The following MICU3 variants were observed in gnomAD, a reference collection of about 807,000 sequenced individuals.
MICU3 encodes the protein calcium uptake protein 3, mitochondrial.
A neutral mutation model predicts 66.5 loss-of-function variants in MICU3; 62 were observed. That is an observed-to-expected ratio of 0.93 (90% CI 0.76 to 1.15). The LOEUF (loss-of-function observed/expected upper bound fraction) is 1.15, where lower values mean the gene tolerates loss of function less well. Ranked by LOEUF, MICU3 falls within the 50% of genes most tolerant of loss-of-function variation. The pLI is 0.00. For missense variants in MICU3, 779 were observed against 664.4 expected, an observed-to-expected ratio of 1.17 and a Z score of -1.90; for synonymous variants, 308 against 240.7, an observed-to-expected ratio of 1.28 and a Z score of -2.59.
chr8:17,117,196 T>C (rs192902360), intron 13 of MICU3, among the ~76,000 whole-genome samples: 1 of 152,224 alleles, frequency 6.6e-6, no homozygotes, highest in East Asian at 1.9e-4. Flanking sequence ...CAGGCTGACG[T>C]TGAACTCCTG....
chr8:17,113,748 C>A (rs768161), intron 11 of MICU3, among the ~76,000 whole-genome samples: 63,736 of 150,402 alleles, frequency 0.42, 14,033 homozygotes, highest in African/African-American at 0.57. Context: ...ATCATATTTA[C>A]CTTACAAGGT....
chr8:17,101,550 C>T (rs1488292645), intron 9 of MICU3, among the ~76,000 whole-genome samples: 2 of 151,842 alleles, frequency 1.3e-5, no homozygotes, highest in Non-Finnish European at 2.9e-5. Context: ...AAGTGAAGAT[C>T]TGCTCTGATC....
chr8:17,070,049 C>G (rs1819317065), intron 3 of MICU3, among the ~76,000 whole-genome samples: 1 of 151,922 alleles, frequency 6.6e-6, no homozygotes, highest in Non-Finnish European at 1.5e-5. Context: ...CATTTAAATT[C>G]TGCAGTAGTG....
At chr8:17,106,432 A>G (rs1436984373) in intron 11 of MICU3, among the ~76,000 whole-genome samples, 2 of 151,946 alleles carry the variant, frequency 1.3e-5, no homozygotes, top group African/African-American at 2.4e-5. Context: ...GTACATGTTA[A>G]ACGGAATTTT....
the MICU3 span, among the ~76,000 whole-genome samples, chr8:17,130,923 C>T: frequency 1.3e-5 from 2 of 152,028 alleles, no homozygotes; most frequent in Non-Finnish European, 2.9e-5. Context: ...TTATCTGCTG[C>T]CTTGAAAATA....
the MICU3 span, chr8:17,131,040 C>G: frequency 6.6e-6 from 1 of 152,094 alleles, no homozygotes; most frequent in Admixed American, 6.5e-5. Flanking sequence ...TAACATCAGA[C>G]AAAATGATGC....
chr8:17,072,643 CT>C (rs1231196826), intron 3 of MICU3, among the ~76,000 whole-genome samples: 3 of 151,840 alleles, frequency 2.0e-5, no homozygotes, highest in East Asian at 1.9e-4. Context: ...CGTAGAACCC[CT>C]TTTTTTATCT....
chr8:17,099,708 A>AT (rs1801091722), intron 9 of MICU3, among the ~76,000 whole-genome samples: 2 of 151,802 alleles, frequency 1.3e-5, no homozygotes, highest in Admixed American at 1.3e-4. Context: ...TTTTGTAATC[A>AT]TTATGTAGGC....
chr8:17,051,207 G>A (rs1475117490), intron 1 of MICU3, among the ~76,000 whole-genome samples: 1 of 151,278 alleles, frequency 6.6e-6, no homozygotes, highest in Non-Finnish European at 1.5e-5. Flanking sequence ...ATAGGTATTG[G>A]TTTTTTAATA....
chr8:17,124,194 A>C (rs1057208190), downstream of MICU3, among the ~76,000 whole-genome samples: 3 of 152,046 alleles, frequency 2.0e-5, no homozygotes, highest in Non-Finnish European at 4.4e-5. Flanking sequence ...CCCCTCCACT[A>C]TCCTTTCAGT....
intron 8 of MICU3, 144 bp downstream of exon 8, chr8:17,090,728 C>A: frequency 3.8e-6 from 2 of 524,462 alleles, no homozygotes; most frequent in Non-Finnish European, 3.3e-6. Context: ...TGCAATGAAG[C>A]CATAATGTTA....
At chr8:17,066,517 CTATATATA>C (rs71212675) in intron 2 of MICU3, among the ~76,000 whole-genome samples, 11 of 105,062 alleles carry the variant, frequency 1.0e-4, no homozygotes, top group African/African-American at 4.5e-4. Context: ...TGTTAATAAT[CTATATATA>C]TATATATATA....
At chr8:17,033,889 G>T (rs1423198265) in intron 1 of MICU3, among the ~76,000 whole-genome samples, 2 of 152,292 alleles carry the variant, frequency 1.3e-5, no homozygotes, top group Non-Finnish European at 2.9e-5. Flanking sequence ...TGTGCAGGGG[G>T]TAGCAGGTGA....
chr8:17,081,545 G>T (rs1012714296), intron 4 of MICU3, 148 bp from the exon 5 acceptor site: 4 of 330,720 alleles, frequency 1.2e-5, no homozygotes, highest in Non-Finnish European at 2.2e-5. Context: ...AATTAAATTT[G>T]TTGCTTCTTT....
Position 17,027,288 on chromosome 8 carries a change from G to C in MICU3, c.9G>C (p.Ala3=). Residue 3 remains alanine (A), a synonymous_variant, in exon 1 of 15, where the codon GCG becomes GCC. Coordinates refer to ENST00000318063, the MANE Select transcript of MICU3 (RefSeq NM_181723.3). ...TGTGGGCGGCCTCCGCTATGGCTGC[G>C]CTGCGAAGGCTCTTGTGGCCGCCAC... The part of the protein sequence containing the change: MA[A]LRRLLWPPPR... 1 of 1,503,130 alleles carries C rather than the reference G, an allele frequency of 6.7e-7. No individual in the cohort carries two copies. Among genetic ancestry groups the C allele is most frequent in the Non-Finnish European group, 8.8e-7 (1 of 1,136,764 alleles). 93.1% of individuals were successfully genotyped at this position (1,503,130 alleles called of 1,614,324 possible).
chr8:17,038,931 C>T lies in MICU3; in HGVS notation c.381+11271C>T, dbSNP rs1460643975. 5.5e-5 allele frequency among the ~76,000 whole-genome samples: 8 copies of T among 146,102 alleles called. No individual in the cohort carries two copies. In the East Asian group the frequency reaches 1.4e-3, roughly 26 times the overall value. ...TTGTGCCACTGCACTCCAGCCTGGG[C>T]GACAGAGCGAGACTCTGTCTCAAAA... On this transcript the variant is annotated intron_variant, in intron 1 of 14. Coordinates refer to ENST00000318063, the MANE Select transcript of MICU3 (RefSeq NM_181723.3).
chr8:17,138,533 T>C, the MICU3 span, among the ~76,000 whole-genome samples: 1 of 152,106 alleles, frequency 6.6e-6, no homozygotes, highest in African/African-American at 2.4e-5. Flanking sequence ...TTGTCTTTAA[T>C]TTACCCAATG....
intron 10 of MICU3, among the ~76,000 whole-genome samples, chr8:17,105,124 T>G (rs1330426505): frequency 6.6e-6 from 1 of 152,028 alleles, no homozygotes; most frequent in Non-Finnish European, 1.5e-5. Context: ...AACAAGTAGT[T>G]TAAGTATCAT....
Position 17,053,184 on chromosome 8 carries a change from GGTAAGGTATTATGCAGA to G in MICU3, c.382-10883_382-10867del, listed in dbSNP as rs1816382602. On this transcript the variant is annotated intron_variant, in intron 1 of 14. Transcript: ENST00000318063. ...TTTCTCTGTTTCACGGTTGCTAAAAGGTAAGGTATTATGCAGAGTAAGGTATTATGCAGTTTAGATAA... is the reference window on the plus strand; with the variant it reads ...TTTCTCTGTTTCACGGTTGCTAAAAGGTAAGGTATTATGCAGTTTAGATAA... Among the ~76,000 whole-genome samples the G allele has an allele frequency of 2.6e-5, 4 of 152,116 alleles. No individual in the cohort carries two copies. The South Asian group carries it at 8.3e-4, about 32-fold the overall frequency.
Sources: gnomAD v4.1 joint callset for allele counts (sites outside exome capture counted in the v4.1 genomes callset) on GRCh38, gnomAD v4.1.1 for gene constraint, MANE v1.5 for transcripts, NCBI Gene and HGNC (gene_info 2026-07-23, HGNC 2026-07-21) for gene names.